The following RBM18 variants were observed in gnomAD, a reference collection of about 807,000 sequenced individuals.
The protein encoded by RBM18 is probable RNA-binding protein 18.
RBM18 carries 18 observed loss-of-function variants against 26.4 expected under a neutral mutation model. That is an observed-to-expected ratio of 0.68 (90% CI 0.47 to 1.01). The LOEUF (loss-of-function observed/expected upper bound fraction) is 1.01, where lower values mean the gene tolerates loss of function less well. RBM18 is among the 50% of genes least tolerant of loss of function. RBM18 has a pLI of 0.00. For synonymous variants in RBM18, 74 were observed against 81.1 expected (o/e 0.91, Z 0.47); for missense variants, 180 against 219.2 (o/e 0.82, Z 1.13).
chr9:122,262,128 CAG>C (rs10563082), intron 1 of RBM18, among the ~76,000 whole-genome samples: 48,853 of 151,854 alleles, frequency 0.32, 9,070 homozygotes, highest in South Asian at 0.47. Context: ...AGATTAAAGA[CAG>C]TAAAAAAATC....
Sources: gnomAD v4.1 joint callset for allele counts (sites outside exome capture counted in the v4.1 genomes callset) on GRCh38, gnomAD v4.1.1 for gene constraint, MANE v1.5 for transcripts, NCBI Gene and HGNC (gene_info 2026-07-23, HGNC 2026-07-21) for gene names.